The following CACNA1G variants were observed in gnomAD, a reference collection of about 807,000 sequenced individuals.
The protein encoded by CACNA1G is voltage-dependent T-type calcium channel subunit alpha-1G.
Under a neutral mutation model 219.4 loss-of-function variants are expected in CACNA1G, and 67 were observed. That is an observed-to-expected ratio of 0.31 (90% CI 0.25 to 0.37). CACNA1G has a LOEUF of 0.37. Among genes scored for constraint, CACNA1G ranks in the 10% least tolerant of loss-of-function variants. CACNA1G has a pLI of 1.00. For synonymous variants in CACNA1G, 1,296 were observed against 1,345.3 expected (o/e 0.96, Z 0.80); for missense variants, 2,380 against 3,231.4 (o/e 0.74, Z 6.39).
chr17:50,602,475 C>T (rs932609999), intron 19 of CACNA1G, among the ~76,000 whole-genome samples: 1 of 152,218 alleles, frequency 6.6e-6, no homozygotes, highest in Non-Finnish European at 1.5e-5. Flanking sequence ...AAGTGAGATC[C>T]TGCCCCAGTT....
intron 25 of CACNA1G, among the ~76,000 whole-genome samples, chr17:50,609,329 G>A (rs1324952638): frequency 2.0e-5 from 3 of 152,122 alleles, no homozygotes; most frequent in Non-Finnish European, 2.9e-5. Flanking sequence ...GGGAGGTGCC[G>A]TTCTCCACGT....
rs1313865640 is a variant in CACNA1G at position 50,607,877 on chromosome 17, G to C, written c.4563G>C (p.Leu1521=). ...TGCTGCTGTACTTCATCTCGTTCCT[G>C]CTCATTGTGGCCTTCTTTGTCCTGA... is the stretch of plus-strand genomic sequence containing the variant. ...PWMLLYFISF[L]LIVAFFVLNM... is the part of the protein sequence containing the mutation. The change falls in exon 25 of 38, where the codon CTG becomes CTC. Residue 1521 remains leucine, a synonymous_variant. Transcript: ENST00000359106. The C allele has an allele frequency of 6.2e-7, 1 of 1,614,044 alleles. No individual in the cohort carries two copies. Among genetic ancestry groups the C allele is most frequent in the Middle Eastern group, 1.7e-4 (1 of 6,058 alleles).
chr17:50,602,992 G>A (rs367893383), intron 20 of CACNA1G, 23 bp from the exon 21 acceptor site: 65 of 1,609,852 alleles, frequency 4.0e-5, no homozygotes, highest in Admixed American at 6.7e-5. Flanking sequence ...GAGGGCGGCC[G>A]ATGACGTGGC....
chr17:50,618,135 G>T lies in CACNA1G; in HGVS notation c.5305+9G>T. The T allele has an allele frequency of 6.2e-7, 1 of 1,613,702 alleles. No homozygotes were observed. The highest frequency in any genetic ancestry group is 8.5e-7 in the Non-Finnish European group (1 of 1,179,742). ...GCTCTTTGGAGACCTGGGTGAGTTG[G>T]GGTAGGGGAGGGTGGAGGAGCCAGG... On this transcript the variant is annotated intron_variant, in intron 31 of 37. Transcript: ENST00000359106. The surrounding 1 kb of genome is among the most constrained non-coding windows in gnomAD (Gnocchi z 5.3).
At position 50,601,093 on chromosome 17, in the gene CACNA1G, C is replaced by T. The variant is rs777600772; in HGVS notation, c.3834C>T (p.Phe1278=). 21 of 1,613,788 alleles carry T rather than the reference C, an allele frequency of 1.3e-5. No homozygotes were observed. The highest frequency in any genetic ancestry group is 2.2e-5 in the South Asian group (2 of 91,086). The change falls in exon 19 of 38, where the codon TTC becomes TTT. Residue 1278 remains phenylalanine, a synonymous_variant. Transcript: ENST00000359106. ...ACCGGATCATCACCCACAAGATGTT[C>T]GACCACGTGGTCCTTGTCATCATCT... ...LCHRIITHKM[F]DHVVLVIIFL...
At position 50,621,931 on chromosome 17, in the gene CACNA1G, G is replaced by T. The variant is rs944959734; in HGVS notation, c.6060+137G>T. On this transcript the variant is annotated intron_variant, in intron 35 of 37. Transcript: ENST00000359106. This position sits in a 1 kb window ranked among gnomAD's most constrained non-coding sequence, Gnocchi z 4.6. ...CAGGCTCCACCCAGAGGCATCAACT[G>T]TCAGGACCTCGGTGGCCCACGCTTT... The T allele has an allele frequency of 7.8e-6, 7 of 900,196 alleles. No individual in the cohort carries two copies. Among genetic ancestry groups the T allele is most frequent in the East Asian group, 2.6e-5 (1 of 38,550 alleles). 55.8% of individuals were successfully genotyped at this position (900,196 alleles called of 1,614,324 possible).
rs2144980245 is a variant in CACNA1G at position 50,578,131 on chromosome 17, C to G, written c.1925-57C>G. On this transcript the variant is annotated intron_variant, in intron 8 of 37. Transcript: ENST00000359106. The surrounding 1 kb of genome is among the most constrained non-coding windows in gnomAD (Gnocchi z 4.5). Reference sequence around the variant, plus strand: ...ACTCATTTTACACATACTCACAGGGCAGGGTAGCCCCAGGTACGAGACTCT... The same window carrying G: ...ACTCATTTTACACATACTCACAGGGGAGGGTAGCCCCAGGTACGAGACTCT... 3 of 1,493,990 alleles carry G rather than the reference C, an allele frequency of 2.0e-6. No individual in the cohort carries two copies. The highest frequency in any genetic ancestry group is 2.7e-6 in the Non-Finnish European group (3 of 1,126,548). The allele number at this position is 1,493,990 out of a possible 1,614,324, so 92.5% of individuals were successfully genotyped here. A position where few individuals can be genotyped will look rare whatever the true frequency, so the allele number is the denominator to read the frequency against.
At chr17:50,611,293 T>C (rs1269285553) in intron 26 of CACNA1G, among the ~76,000 whole-genome samples, 1 of 144,556 alleles carries the variant, frequency 6.9e-6, no homozygotes, top group Non-Finnish European at 1.5e-5. Context: ...AGTGAGAACA[T>C]AAGGACCCCC....
intron 9 of CACNA1G, among the ~76,000 whole-genome samples, chr17:50,589,896 C>T (rs960148103): frequency 2.1e-5 from 3 of 144,154 alleles, no homozygotes; most frequent in South Asian, 4.5e-4. Context: ...GTGCATTTTT[C>T]TCTCTCTCTC....
Position 50,603,243 on chromosome 17 carries a change from C to G in CACNA1G, c.4169+44C>G. 6.5e-7 allele frequency: 1 copy of G among 1,535,844 alleles called. No homozygotes were observed. The highest frequency in any genetic ancestry group is 8.8e-7 in the Non-Finnish European group (1 of 1,133,958). ...CTGGAACACCTCCAAGAGGTGGCCC[C>G]CTCCGCAGGGACATCTCCCACCGCC... On this transcript the variant is annotated intron_variant, in intron 21 of 37. Coordinates refer to ENST00000359106, the MANE Select transcript of CACNA1G (RefSeq NM_018896.5). The surrounding 1 kb of genome is among the most constrained non-coding windows in gnomAD (Gnocchi z 6.4).
rs2053792902 is a variant in CACNA1G at position 50,626,319 on chromosome 17, G to A, written c.6702G>A (p.Gln2234=). Residue 2234 remains glutamine, a synonymous_variant, in exon 38 of 38, where the codon CAG becomes CAA. Transcript: ENST00000359106. The surrounding 1 kb of genome is among the most constrained non-coding windows in gnomAD (Gnocchi z 4.3). ...GAGACCTCCTGCCCCCTGGCGGCCA[G>A]GAGGAGCCCCCATCCCCACGGGACC... ...ISGDLLPPGG[Q]EEPPSPRDLK... is the part of the protein sequence containing the mutation. 1.9e-6 allele frequency: 3 copies of A among 1,613,250 alleles called. No homozygotes were observed. The highest frequency in any genetic ancestry group is 1.3e-5 in the African/African-American group (1 of 74,922).
chr17:50,576,468 G>A (rs1176232380), intron 8 of CACNA1G, 142 bp downstream of exon 8: 2 of 776,280 alleles, frequency 2.6e-6, no homozygotes, highest in Non-Finnish European at 4.2e-6. Context: ...CCTTCAACCA[G>A]TCACATCCCT....
chr17:50,588,699 A>T (rs2043520623), intron 9 of CACNA1G, among the ~76,000 whole-genome samples: 1 of 152,192 alleles, frequency 6.6e-6, no homozygotes, highest in African/African-American at 2.4e-5. Context: ...GCTCCATGCC[A>T]TACTGGCCCC....
At chr17:50,570,900 T>C (rs1276521161) in intron 4 of CACNA1G, among the ~76,000 whole-genome samples, 1 of 151,292 alleles carries the variant, frequency 6.6e-6, no homozygotes, top group Non-Finnish European at 1.5e-5. Flanking sequence ...ACCAAGAGGG[T>C]TAATTAGCTG....
At chr17:50,611,503 C>T (rs925073647) in intron 26 of CACNA1G, among the ~76,000 whole-genome samples, 4 of 152,156 alleles carry the variant, frequency 2.6e-5, no homozygotes, top group Non-Finnish European at 5.9e-5. Flanking sequence ...GCTATGGCCC[C>T]ATGATGCTAA....
chr17:50,601,345 CT>C (rs2046592893), intron 19 of CACNA1G, among the ~76,000 whole-genome samples, 171 bp downstream of exon 19: 1 of 152,240 alleles, frequency 6.6e-6, no homozygotes, highest in Non-Finnish European at 1.5e-5. Flanking sequence ...GGGATGCCCC[CT>C]GTGTCCTCTC....
At chr17:50,573,000 C>G in intron 6 of CACNA1G, 21 bp from the exon 7 acceptor site, 1 of 1,570,460 alleles carries the variant, frequency 6.4e-7, no homozygotes, top group Non-Finnish European at 8.7e-7. Flanking sequence ...CATAGTCAGC[C>G]TGCCCCTCTG....
chr17:50,561,743 G>C (rs745984984), intron 1 of CACNA1G, 42 bp downstream of exon 1: 1 of 1,502,222 alleles, frequency 6.7e-7, no homozygotes, highest in South Asian at 1.3e-5. Flanking sequence ...GGTCAGAAGG[G>C]GGACGGGCCG....
chr17:50,585,114 A>T (rs1485594603), intron 9 of CACNA1G, among the ~76,000 whole-genome samples: 1 of 152,122 alleles, frequency 6.6e-6, no homozygotes, highest in Non-Finnish European at 1.5e-5. Flanking sequence ...GTGCAGGTGG[A>T]CAAGGCACAG....
Sources: allele counts gnomAD v4.1 joint callset (sites outside exome capture counted in the v4.1 genomes callset), GRCh38; gene constraint gnomAD v4.1.1; non-coding constraint Gnocchi (gnomAD v3.1); transcripts MANE v1.5; gene names NCBI Gene and HGNC (gene_info 2026-07-23, HGNC 2026-07-21).